Variants in RAB31 observed in about 807,000 individuals in gnomAD.
RAB31 encodes the protein ras-related protein Rab-31.
Under a neutral mutation model 25.6 loss-of-function variants are expected in RAB31, and 21 were observed. That is an observed-to-expected ratio of 0.82 (90% CI 0.58 to 1.18). RAB31 has a LOEUF of 1.18. RAB31 is among the 50% of genes most tolerant of loss of function. The pLI is 0.00. For missense variants in RAB31, 196 were observed against 250.1 expected (o/e 0.78, Z 1.46); for synonymous variants, 87 against 84.0 (o/e 1.04, Z -0.20).
At chr18:9,848,721 A>T (rs1444991808) in intron 6 of RAB31, among the ~76,000 whole-genome samples, 1 of 152,240 alleles carries the variant, frequency 6.6e-6, no homozygotes, top group Non-Finnish European at 1.5e-5. Flanking sequence ...GAAAAAATGC[A>T]ATAAAAAGTT....
chr18:9,800,881 T>C (rs1297931648), intron 3 of RAB31, among the ~76,000 whole-genome samples: 1 of 152,174 alleles, frequency 6.6e-6, no homozygotes, highest in East Asian at 1.9e-4. Context: ...TTCTGATGTG[T>C]TCCGAATTGT....
At chr18:9,735,656 A>G (rs189490118) in intron 1 of RAB31, 106 of 153,022 alleles carry the variant, frequency 6.9e-4, no homozygotes, top group Non-Finnish European at 1.0e-3. Flanking sequence ...TTGAGCACCT[A>G]TTTCTCCTTT....
intron 5 of RAB31, among the ~76,000 whole-genome samples, chr18:9,831,255 G>A (rs758239446): frequency 1.3e-5 from 2 of 152,190 alleles, no homozygotes; most frequent in Admixed American, 6.5e-5. Flanking sequence ...GCAGAACTAT[G>A]TTATCTATTT....
intron 1 of RAB31, among the ~76,000 whole-genome samples, chr18:9,727,969 C>T (rs541425621): frequency 6.6e-6 from 1 of 152,216 alleles, no homozygotes; most frequent in East Asian, 1.9e-4. Flanking sequence ...ATAGATCAGT[C>T]TTTTTAAAGT....
chr18:9,800,216 TG>T (rs1198337575), intron 3 of RAB31, among the ~76,000 whole-genome samples: 1 of 152,212 alleles, frequency 6.6e-6, no homozygotes, highest in Non-Finnish European at 1.5e-5. Context: ...GGTGAAGAGC[TG>T]GGGATAATAC....
intron 1 of RAB31, among the ~76,000 whole-genome samples, chr18:9,769,293 C>A (rs2068332086): frequency 6.6e-6 from 1 of 152,146 alleles, no homozygotes; most frequent in Admixed American, 6.5e-5. Flanking sequence ...GGCAGTATGA[C>A]CATTTTCACG....
chr18:9,720,994 G>C (rs1012350520), intron 1 of RAB31, among the ~76,000 whole-genome samples: 1 of 152,074 alleles, frequency 6.6e-6, no homozygotes, highest in African/African-American at 2.4e-5. Flanking sequence ...TGGGGTCCGT[G>C]GTCCATCATG....
intron 5 of RAB31, among the ~76,000 whole-genome samples, chr18:9,828,719 G>A (rs1479620283): frequency 6.6e-6 from 1 of 152,156 alleles, no homozygotes; most frequent in Non-Finnish European, 1.5e-5. Flanking sequence ...GTTGAGTAGG[G>A]GAGTTTCTTA....
intron 1 of RAB31, among the ~76,000 whole-genome samples, chr18:9,751,215 A>AT (rs1229735802): frequency 6.6e-6 from 1 of 151,732 alleles, no homozygotes; most frequent in Non-Finnish European, 1.5e-5. Flanking sequence ...TTTATTTTTT[A>AT]TTTTTTGTAG....
intron 1 of RAB31, among the ~76,000 whole-genome samples, chr18:9,761,956 A>G (rs909254917): frequency 3.9e-5 from 6 of 152,094 alleles, no homozygotes; most frequent in Non-Finnish European, 7.4e-5. Context: ...ACAGGTGCAC[A>G]CCACCATGCC....
intron 2 of RAB31, among the ~76,000 whole-genome samples, chr18:9,788,929 C>T (rs2068446632): frequency 6.6e-6 from 1 of 152,156 alleles, no homozygotes; most frequent in African/African-American, 2.4e-5. Context: ...GAGACTGTGC[C>T]ACTGCACTCC....
At chr18:9,777,937 T>C (rs1028931755) in intron 2 of RAB31, among the ~76,000 whole-genome samples, 4 of 152,000 alleles carry the variant, frequency 2.6e-5, no homozygotes, top group Non-Finnish European at 4.4e-5. Flanking sequence ...ATACTTTTAA[T>C]AGAGATGGGG....
intron 5 of RAB31, among the ~76,000 whole-genome samples, chr18:9,843,746 G>A (rs1435759197): frequency 1.3e-5 from 2 of 152,164 alleles, no homozygotes; most frequent in African/African-American, 4.8e-5. Flanking sequence ...TTTCCCTGCA[G>A]TTTGGAAGCA....
At chr18:9,728,320 A>C (rs1459236868) in intron 1 of RAB31, among the ~76,000 whole-genome samples, 2 of 152,232 alleles carry the variant, frequency 1.3e-5, no homozygotes, top group Admixed American at 1.3e-4. Context: ...ACAATTCTGC[A>C]ATAAAAATCT....
intron 1 of RAB31, among the ~76,000 whole-genome samples, chr18:9,737,071 TTAA>T (rs1171939576): frequency 1.3e-5 from 2 of 152,238 alleles, no homozygotes; most frequent in African/African-American, 4.8e-5. Flanking sequence ...AGAGAATCGA[TTAA>T]TGAGTTTTGA....
At chr18:9,744,401 A>G (rs2068195348) in intron 1 of RAB31, among the ~76,000 whole-genome samples, 2 of 152,222 alleles carry the variant, frequency 1.3e-5, no homozygotes, top group Non-Finnish European at 2.9e-5. Flanking sequence ...TACTCCATAT[A>G]TACTTATGCT....
At chr18:9,714,359 C>A (rs761321264) in intron 1 of RAB31, among the ~76,000 whole-genome samples, 1 of 152,184 alleles carries the variant, frequency 6.6e-6, no homozygotes, top group South Asian at 2.1e-4. Context: ...CCCTCACATG[C>A]GCAGTTCACA....
intron 1 of RAB31, among the ~76,000 whole-genome samples, chr18:9,750,712 GAGA>G (rs1296088506): frequency 1.3e-4 from 20 of 152,326 alleles, no homozygotes; most frequent in African/African-American, 4.6e-4. Context: ...TATGAGTTCG[GAGA>G]AGGTCTGCAA....
chr18:9,782,834 C>A (rs1208842208), intron 2 of RAB31, among the ~76,000 whole-genome samples: 1 of 152,110 alleles, frequency 6.6e-6, no homozygotes, highest in Non-Finnish European at 1.5e-5. Flanking sequence ...ATAGCTGGGA[C>A]CACAGGTGTG....
Sources: gnomAD v4.1 joint callset for allele counts (sites outside exome capture counted in the v4.1 genomes callset) on GRCh38, gnomAD v4.1.1 for gene constraint, MANE v1.5 for transcripts, NCBI Gene and HGNC (gene_info 2026-07-23, HGNC 2026-07-21) for gene names.